The following LRP1B variants were observed in gnomAD, a reference collection of about 807,000 sequenced individuals.
LRP1B encodes the protein low-density lipoprotein receptor-related protein 1B.
LRP1B carries 217 observed loss-of-function variants against 556.6 expected under a neutral mutation model. The ratio of observed to expected loss-of-function variants is 0.39; its 90% CI spans 0.35 to 0.44. The LOEUF (loss-of-function observed/expected upper bound fraction) is 0.44. LRP1B is among the 20% of genes least tolerant of loss of function. The pLI is 1.00. For missense variants in LRP1B, 5,053 were observed against 5,620.8 expected (o/e 0.90, Z 3.23); for synonymous variants, 2,047 against 1,865.8 (o/e 1.10, Z -2.50).
At chr2:141,790,532 G>A (rs1695579115) in intron 2 of LRP1B, among the ~76,000 whole-genome samples, 2 of 151,740 alleles carry the variant, frequency 1.3e-5, no homozygotes, top group African/African-American at 4.8e-5. Flanking sequence ...ACAGTAGTCA[G>A]GATTTTATCT....
chr2:140,779,714 A>AAGTGT (rs1553531424), intron 32 of LRP1B, among the ~76,000 whole-genome samples: 2 of 136,344 alleles, frequency 1.5e-5, no homozygotes, highest in East Asian at 2.1e-4. Context: ...AAAAAAAAAA[A>AAGTGT]GTGTGTGTGT....
At chr2:141,109,309 C>G (rs999441313) in intron 7 of LRP1B, among the ~76,000 whole-genome samples, 2 of 152,144 alleles carry the variant, frequency 1.3e-5, no homozygotes, top group African/African-American at 4.8e-5. Context: ...ATTAGCTACA[C>G]TGTGTGAATT....
chr2:141,194,748 G>A (rs1034293171), intron 6 of LRP1B, among the ~76,000 whole-genome samples: 1 of 151,926 alleles, frequency 6.6e-6, no homozygotes, highest in Non-Finnish European at 1.5e-5. Flanking sequence ...GAGAGTAACT[G>A]TCCTTATATT....
At chr2:140,255,113 A>T (rs964913140) in intron 86 of LRP1B, among the ~76,000 whole-genome samples, 2 of 152,222 alleles carry the variant, frequency 1.3e-5, no homozygotes, top group Admixed American at 6.5e-5. Context: ...AAATTTGTCT[A>T]TCTTACATAA....
At chr2:141,819,794 C>G (rs377619493) in intron 1 of LRP1B, among the ~76,000 whole-genome samples, 3 of 152,078 alleles carry the variant, frequency 2.0e-5, no homozygotes, top group African/African-American at 4.8e-5. Context: ...GATGGATATG[C>G]TAATTACCCT....
At chr2:141,116,238 G>C (rs1004109511) in intron 7 of LRP1B, among the ~76,000 whole-genome samples, 3 of 152,042 alleles carry the variant, frequency 2.0e-5, no homozygotes, top group Non-Finnish European at 1.5e-5. Context: ...ACAATTATGA[G>C]AGGAAACGTT....
chr2:141,204,981 T>C (rs1682208793), intron 6 of LRP1B, among the ~76,000 whole-genome samples: 1 of 152,058 alleles, frequency 6.6e-6, no homozygotes, highest in African/African-American at 2.4e-5. Context: ...TAGAAATGTA[T>C]ATGAGGCATA....
At chr2:140,995,584 C>T (rs1317773412) in intron 15 of LRP1B, among the ~76,000 whole-genome samples, 1 of 151,794 alleles carries the variant, frequency 6.6e-6, no homozygotes, top group African/African-American at 2.4e-5. Context: ...GCATATATGG[C>T]AAAGAATTTT....
intron 1 of LRP1B, among the ~76,000 whole-genome samples, chr2:141,844,477 C>G (rs1215513080): frequency 6.6e-6 from 1 of 152,100 alleles, no homozygotes; most frequent in African/African-American, 2.4e-5. Flanking sequence ...ATGCTAGTGA[C>G]AGAGTGGCAG....
chr2:141,617,911 A>T (rs1688367561), intron 2 of LRP1B, among the ~76,000 whole-genome samples: 1 of 152,208 alleles, frequency 6.6e-6, no homozygotes, highest in South Asian at 2.1e-4. Context: ...TTAAAACAAA[A>T]TAAAACAAGA....
At position 141,639,349 on chromosome 2, in the gene LRP1B, T is replaced by TACATACACAC. The variant is rs1553440026; in HGVS notation, c.206-158817_206-158816insGTGTGTATGT. Reference sequence around the variant, plus strand: ...ATATATATATATATATATATATATATACACACACACACACATATATATATA... The same window carrying TACATACACAC: ...ATATATATATATATATATATATATATACATACACACACACACACACACACATATATATATA... On this transcript the variant is annotated intron_variant, in intron 2 of 90. Coordinates refer to ENST00000389484, the MANE Select transcript of LRP1B (RefSeq NM_018557.3). Among the ~76,000 whole-genome samples the TACATACACAC allele has an allele frequency of 3.3e-3, 185 of 56,024 alleles. 9 individuals carry two copies. Among genetic ancestry groups the TACATACACAC allele is most frequent in the African/African-American group, 0.012 (177 of 14,792 alleles). 36.8% of individuals were successfully genotyped at this position (56,024 alleles called of 152,430 possible).
intron 41 of LRP1B, among the ~76,000 whole-genome samples, chr2:140,625,807 CTG>C (rs775385285): frequency 1.1e-4 from 17 of 152,308 alleles, no homozygotes; most frequent in African/African-American, 1.9e-4. Context: ...CTTTGAAAGA[CTG>C]TGTTGTGGCT....
intron 3 of LRP1B, among the ~76,000 whole-genome samples, chr2:141,424,488 T>G (rs1336409198): frequency 6.6e-6 from 1 of 152,212 alleles, no homozygotes; most frequent in Non-Finnish European, 1.5e-5. Context: ...GCAATGTGAC[T>G]CATAACTCTT....
intron 1 of LRP1B, among the ~76,000 whole-genome samples, chr2:141,852,757 G>T (rs555623448): frequency 9.9e-5 from 15 of 151,456 alleles, no homozygotes; most frequent in African/African-American, 3.6e-4. Flanking sequence ...ATTAAATAAA[G>T]CTGAACCTAT....
intron 41 of LRP1B, among the ~76,000 whole-genome samples, chr2:140,688,531 A>G (rs573832150): frequency 4.6e-5 from 7 of 152,346 alleles, no homozygotes; most frequent in African/African-American, 1.7e-4. Context: ...GAGCTTCTGG[A>G]AATAGGATAA....
At chr2:140,313,710 G>A (rs547442750) in intron 83 of LRP1B, among the ~76,000 whole-genome samples, 13 of 151,898 alleles carry the variant, frequency 8.6e-5, no homozygotes, top group African/African-American at 2.4e-4. Flanking sequence ...ATACACACAC[G>A]TATTCCTTGA....
At chr2:140,410,203 TCTC>T (rs975363621) in intron 66 of LRP1B, among the ~76,000 whole-genome samples, 1 of 152,000 alleles carries the variant, frequency 6.6e-6, no homozygotes, top group Non-Finnish European at 1.5e-5. Flanking sequence ...TTAGTCTCCT[TCTC>T]CTTCTCTCTT....
intron 67 of LRP1B, among the ~76,000 whole-genome samples, chr2:140,379,017 G>T (rs1415052001): frequency 6.6e-6 from 1 of 152,148 alleles, no homozygotes; most frequent in African/African-American, 2.4e-5. Flanking sequence ...ATTCCTATTG[G>T]AATATGTTTC....
chr2:141,420,050 C>G (rs980591581), intron 3 of LRP1B, among the ~76,000 whole-genome samples: 1 of 152,120 alleles, frequency 6.6e-6, no homozygotes, highest in African/African-American at 2.4e-5. Flanking sequence ...GCTATTAAAG[C>G]CCTCTGCTTC....
Sources: gnomAD v4.1 joint callset for allele counts (sites outside exome capture counted in the v4.1 genomes callset) on GRCh38, gnomAD v4.1.1 for gene constraint, MANE v1.5 for transcripts, NCBI Gene and HGNC (gene_info 2026-07-23, HGNC 2026-07-21) for gene names.